DENND1A: variants seen among roughly 807,000 people sequenced by gnomAD.
DENND1A encodes DENN domain containing 1A.
A neutral mutation model predicts 113.7 loss-of-function variants in DENND1A; 51 were observed. That is an observed-to-expected ratio of 0.45 (90% CI 0.36 to 0.57). The LOEUF (loss-of-function observed/expected upper bound fraction) is 0.57, where lower values mean the gene tolerates loss of function less well. Ranked by LOEUF, DENND1A falls within the 20% of genes least tolerant of loss-of-function variation. DENND1A has a pLI of 0.00. For missense variants in DENND1A, 1,258 were observed against 1,395.9 expected (o/e 0.90, Z 1.57); for synonymous variants, 565 against 570.8 (o/e 0.99, Z 0.14).
Position 123,382,055 on chromosome 9 carries a change from C to T in DENND1A, c.2590G>A (p.Ala864Thr), listed in dbSNP as rs775924786. ...WSGSTLPSRPATPNVATPFTP... is the reference protein window; with the variant it reads ...WSGSTLPSRPTTPNVATPFTP... ...AATGGGGTGGCTACATTCGGGGTGGCGGGGCGTGACGGGAGGGTGCTGCCT... is the reference window on the plus strand; with the variant it reads ...AATGGGGTGGCTACATTCGGGGTGGTGGGGCGTGACGGGAGGGTGCTGCCT... The change falls in exon 24 of 24, where the codon GCC (alanine) becomes ACC (threonine). Residue 864 changes from alanine to threonine, a missense_variant. Ala to Thr is a moderately conservative substitution (Grantham distance 58). Around this residue, in one of 2 missense-constraint regions of DENND1A, gnomAD observed 1,159 missense variants for 1,231.7 expected, o/e 0.94. Transcript: ENST00000394215. 39 of 1,364,796 alleles carry T rather than the reference C, an allele frequency of 2.9e-5. No individual in the cohort carries two copies. The highest frequency in any genetic ancestry group is 2.2e-4 in the African/African-American group (11 of 50,034). The allele number at this position is 1,364,796 out of a possible 1,614,324, so 84.5% of individuals were successfully genotyped here. A position where few individuals can be genotyped will look rare whatever the true frequency, so the allele number is the denominator to read the frequency against.
chr9:123,820,806 C>A (rs1838341817), intron 2 of DENND1A, among the ~76,000 whole-genome samples: 1 of 152,148 alleles, frequency 6.6e-6, no homozygotes, highest in Admixed American at 6.5e-5. Flanking sequence ...GTTCATATCA[C>A]AAAATTGATT....
chr9:123,807,827 A>C (rs1835855748), intron 2 of DENND1A, among the ~76,000 whole-genome samples: 1 of 152,262 alleles, frequency 6.6e-6, no homozygotes, highest in African/African-American at 2.4e-5. Context: ...TCTACAAGGT[A>C]AGTGTTGCTA....
At chr9:123,531,231 C>G (rs1379566865) in intron 13 of DENND1A, among the ~76,000 whole-genome samples, 1 of 152,128 alleles carries the variant, frequency 6.6e-6, no homozygotes, top group Non-Finnish European at 1.5e-5. Context: ...TTGCATCAAA[C>G]TAAACTCATG....
rs547822916 is a variant in DENND1A, at chr9:123,833,574, A to AT, written c.89-40945_89-40944insA. Reference sequence around the variant, plus strand: ...ATTTCAGAAATGGTTAGTAAAAAAAAGTCATCATGAGCTTCACTAGCAGTA... The same window carrying AT: ...ATTTCAGAAATGGTTAGTAAAAAAAATGTCATCATGAGCTTCACTAGCAGTA... On this transcript the variant is annotated intron_variant, in intron 2 of 23. Coordinates refer to ENST00000394215, the MANE Select transcript of DENND1A (RefSeq NM_001352964.2). 9.5e-3 allele frequency among the ~76,000 whole-genome samples: 1,442 copies of AT among 152,296 alleles called. 26 individuals carry two copies. The highest frequency in any genetic ancestry group is 0.01 in the Non-Finnish European group (699 of 68,012).
chr9:123,611,464 T>G (rs1251630230), intron 10 of DENND1A, among the ~76,000 whole-genome samples: 2 of 152,194 alleles, frequency 1.3e-5, no homozygotes, highest in Non-Finnish European at 2.9e-5. Flanking sequence ...GTCTTAAGAC[T>G]GCAAATGTCT....
rs1021631767 is a variant in DENND1A at position 123,658,670 on chromosome 9, C to T, written c.508-6547G>A. Among the ~76,000 whole-genome samples the T allele has an allele frequency of 3.3e-5, 5 of 152,084 alleles. No individual in the cohort carries two copies. The South Asian group carries it at 1.0e-3, about 32-fold the overall frequency. On this transcript the variant is annotated intron_variant, in intron 8 of 23. Transcript: ENST00000394215. The stretch of plus-strand genomic sequence containing the variant: ...CAAAAGCCAACTGAAAGGAATTGTT[C>T]TTTTTTCTTCTCCTGGGGGTGGCTA...
At chr9:123,792,448 T>C in intron 3 of DENND1A, 139 bp downstream of exon 3, 1 of 843,098 alleles carries the variant, frequency 1.2e-6, no homozygotes, top group East Asian at 2.8e-5. Flanking sequence ...GTTTTACTTT[T>C]TGTCTTTGGT....
chr9:123,819,799 A>T (rs1838169406), intron 2 of DENND1A, among the ~76,000 whole-genome samples: 1 of 152,196 alleles, frequency 6.6e-6, no homozygotes, highest in Non-Finnish European at 1.5e-5. Context: ...CGGATCCTAG[A>T]GTGCTAGGCT....
rs114684953 is a variant in DENND1A at position 123,849,087 on chromosome 9, A to T, written c.88+29864T>A. Among the ~76,000 whole-genome samples the T allele has an allele frequency of 7.4e-3, 1,125 of 152,318 alleles. 18 individuals carry two copies. Among genetic ancestry groups the T allele is most frequent in the African/African-American group, 0.026 (1,065 of 41,564 alleles). On this transcript the variant is annotated intron_variant, in intron 2 of 23. Coordinates refer to ENST00000394215, the MANE Select transcript of DENND1A (RefSeq NM_001352964.2). The stretch of plus-strand genomic sequence containing the variant: ...AAGTTATCCAGAAGTTCAAGCTAAG[A>T]TCATTGATAAAGGTGGCTACACTAA...
intron 8 of DENND1A, among the ~76,000 whole-genome samples, chr9:123,655,696 C>T (rs989189352): frequency 2.0e-5 from 3 of 152,190 alleles, no homozygotes; most frequent in African/African-American, 7.2e-5. Context: ...CATATTTCTC[C>T]GATGGGTAAG....
intron 13 of DENND1A, among the ~76,000 whole-genome samples, chr9:123,466,900 A>T (rs1269833517): frequency 1.4e-5 from 2 of 143,330 alleles, no homozygotes; most frequent in South Asian, 4.6e-4. Context: ...AAAAAAAACT[A>T]GCCGGGCTTG....
chr9:123,473,986 CTTTTTTT>C (rs5900577), intron 13 of DENND1A, among the ~76,000 whole-genome samples: 3 of 70,720 alleles, frequency 4.2e-5, no homozygotes, highest in South Asian at 7.1e-4. Flanking sequence ...TACTTTCTTT[CTTTTTTT>C]TTTTTTTTTT....
At chr9:123,607,710 G>A (rs914515139) in intron 11 of DENND1A, among the ~76,000 whole-genome samples, 19 of 150,756 alleles carry the variant, frequency 1.3e-4, no homozygotes, top group African/African-American at 4.4e-4. Flanking sequence ...CCCCAGCTGA[G>A]TCATTGACAT....
intron 11 of DENND1A, among the ~76,000 whole-genome samples, chr9:123,598,969 A>G (rs2059823721): frequency 6.6e-6 from 1 of 152,122 alleles, no homozygotes; most frequent in Non-Finnish European, 1.5e-5. Flanking sequence ...GGGTTTATGG[A>G]GGGAAGGATT....
At chr9:123,782,037 A>G (rs77543463) in intron 3 of DENND1A, among the ~76,000 whole-genome samples, 3 of 152,086 alleles carry the variant, frequency 2.0e-5, no homozygotes, top group South Asian at 4.1e-4. Context: ...ACCACTGTAC[A>G]TTAGCCTGGG....
intron 3 of DENND1A, among the ~76,000 whole-genome samples, chr9:123,779,551 G>A (rs1358095267): frequency 1.3e-5 from 2 of 152,194 alleles, no homozygotes; most frequent in African/African-American, 4.8e-5. Flanking sequence ...CCATGCTGGA[G>A]GGAAGTGGTG....
Position 123,878,220 on chromosome 9 carries a change from A to T in DENND1A, c.88+731T>A, listed in dbSNP as rs936199654. 1.1e-4 allele frequency among the ~76,000 whole-genome samples: 17 copies of T among 152,058 alleles called. No individual in the cohort carries two copies. The South Asian group carries it at 2.9e-3, about 26-fold the overall frequency. On this transcript the variant is annotated intron_variant, in intron 2 of 23. Transcript: ENST00000394215. Reference sequence around the variant, plus strand: ...CTCCATCTCAAAAAAAAAAAAAATAATATTATTATATGCAGGTGTTTTTGT... The same window carrying T: ...CTCCATCTCAAAAAAAAAAAAAATATTATTATTATATGCAGGTGTTTTTGT...
intron 2 of DENND1A, among the ~76,000 whole-genome samples, chr9:123,877,528 A>G (rs1055097051): frequency 1.3e-5 from 2 of 151,634 alleles, no homozygotes; most frequent in East Asian, 3.9e-4. Context: ...GCAAAACAAA[A>G]AGTTAAAAAA....
intron 13 of DENND1A, among the ~76,000 whole-genome samples, chr9:123,518,610 A>G (rs532592617): frequency 2.0e-5 from 3 of 152,272 alleles, no homozygotes; most frequent in Admixed American, 1.3e-4. Context: ...TTAAAAAATG[A>G]CTGTCTAGGC....
Sources: gnomAD v4.1 joint callset for allele counts (sites outside exome capture counted in the v4.1 genomes callset) on GRCh38, gnomAD v4.1.1 for gene constraint, gnomAD v4.1.1 regional missense constraint, MANE v1.5 for transcripts, NCBI Gene and HGNC (gene_info 2026-07-23, HGNC 2026-07-21) for gene names.